CYTH3: variants seen among roughly 807,000 people sequenced by gnomAD.
CYTH3 encodes the protein cytohesin 3.
In CYTH3, 23 loss-of-function variants were observed where a neutral mutation model predicts 55.1. The observed-to-expected ratio is 0.42, with a 90% confidence interval of 0.30 to 0.59. CYTH3 has a LOEUF of 0.59. CYTH3 is among the 20% of genes least tolerant of loss of function. The probability of loss-of-function intolerance (pLI) is 0.20; values close to 1 mark genes in which losing one functional copy is unlikely to be tolerated. For missense variants in CYTH3, 413 were observed against 524.8 expected, an observed-to-expected ratio of 0.79 and a Z score of 2.08; for synonymous variants, 249 against 194.9, an observed-to-expected ratio of 1.28 and a Z score of -2.31.
chr7:6,221,825 G>C (rs987113567), intron 1 of CYTH3, among the ~76,000 whole-genome samples: 14 of 152,162 alleles, frequency 9.2e-5, no homozygotes, highest in Admixed American at 4.6e-4. Flanking sequence ...AGTGAGGCGT[G>C]TCTGTGGTCC....
At chr7:6,201,618 A>C (rs1361626806) in intron 1 of CYTH3, among the ~76,000 whole-genome samples, 6 of 152,242 alleles carry the variant, frequency 3.9e-5, no homozygotes, top group East Asian at 3.9e-4. Flanking sequence ...ACTGGTTTCC[A>C]TAAGTAAATC....
In CYTH3 at chr7:6,163,305, CTG is replaced by C. The variant is rs1192546436; in HGVS notation, c.*1637_*1638del. 6.6e-6 allele frequency: 1 copy of C among 152,302 alleles called. No homozygotes were observed. Among genetic ancestry groups the C allele is most frequent in the African/African-American group, 2.4e-5 (1 of 41,476 alleles). 9.4% of individuals were successfully genotyped at this position (152,302 alleles called of 1,614,324 possible). The stretch of plus-strand genomic sequence containing the variant: ...GTGCACAAAGTCTGAGGTTTTGTCT[CTG>C]GACTGGGCATTTTGCACAGGAGTAC... On this transcript the variant is annotated 3_prime_UTR_variant, in exon 13 of 13. Transcript: ENST00000350796.
chr7:6,207,860 G>C (rs1784230646), intron 1 of CYTH3, among the ~76,000 whole-genome samples: 1 of 151,666 alleles, frequency 6.6e-6, no homozygotes, highest in African/African-American at 2.4e-5. Flanking sequence ...TGAGGTGGGA[G>C]GATGGCTTAA....
intron 1 of CYTH3, among the ~76,000 whole-genome samples, chr7:6,255,984 C>T (rs574659135): frequency 6.6e-6 from 1 of 151,914 alleles, no homozygotes; most frequent in Non-Finnish European, 1.5e-5. Context: ...AGGATGGTCT[C>T]GATCTCCTGA....
Position 6,258,648 on chromosome 7 carries a change from T to C in CYTH3, c.34+13826A>G, listed in dbSNP as rs550443197. ...ACAGAGTCAAATATGGCTGTAACAA[T>C]GACGACAAGCTACAAGGCAACAGGC... On this transcript the variant is annotated intron_variant, in intron 1 of 12. Coordinates refer to ENST00000350796, the MANE Select transcript of CYTH3 (RefSeq NM_004227.4). Among the ~76,000 whole-genome samples the C allele has an allele frequency of 2.6e-5, 4 of 152,346 alleles. No homozygotes were observed. In the East Asian group the frequency reaches 7.7e-4, roughly 29 times the overall value.
At chr7:6,249,468 A>G (rs1053229883) in intron 1 of CYTH3, among the ~76,000 whole-genome samples, 2 of 152,206 alleles carry the variant, frequency 1.3e-5, no homozygotes, top group Non-Finnish European at 2.9e-5. Flanking sequence ...CTCCCAGCAC[A>G]GTGGCTTCGG....
chr7:6,203,318 T>C (rs1784102552), intron 1 of CYTH3, among the ~76,000 whole-genome samples: 1 of 152,226 alleles, frequency 6.6e-6, no homozygotes, highest in African/African-American at 2.4e-5. Context: ...TGAAGTGAAT[T>C]GTGACATTTA....
At chr7:6,251,870 C>T (rs868138139) in intron 1 of CYTH3, among the ~76,000 whole-genome samples, 3 of 152,212 alleles carry the variant, frequency 2.0e-5, no homozygotes, top group Non-Finnish European at 2.9e-5. Context: ...CCAAACAGGA[C>T]GTCTGGCTAC....
At chr7:6,181,943 A>G (rs544085455) in intron 4 of CYTH3, among the ~76,000 whole-genome samples, 1 of 152,336 alleles carries the variant, frequency 6.6e-6, no homozygotes, top group South Asian at 2.1e-4. Flanking sequence ...TATATCATGG[A>G]TAAGAAACAT....
rs1027560929 is a variant in CYTH3, at chr7:6,187,199, C to T, written c.183-83G>A. On this transcript the variant is annotated intron_variant, in intron 3 of 12. Transcript: ENST00000350796. ...CACGGCCCTCCAGTGTACTTTCCCC[C>T]GCAACAACGGGCTCAAGGAAGCGAA... 33 of 1,437,442 alleles carry T rather than the reference C, an allele frequency of 2.3e-5. 1 individual carries two copies. The highest frequency in any genetic ancestry group is 9.2e-5 in the South Asian group (8 of 86,902). 89.0% of individuals were successfully genotyped at this position (1,437,442 alleles called of 1,614,324 possible).
At chr7:6,177,666 G>T (rs963345534) in intron 5 of CYTH3, among the ~76,000 whole-genome samples, 157 bp downstream of exon 5, 18 of 152,232 alleles carry the variant, frequency 1.2e-4, no homozygotes, top group Non-Finnish European at 2.4e-4. Context: ...CGGTTGCACT[G>T]GGCTCGCTTG....
chr7:6,248,135 C>A (rs1779868078), intron 1 of CYTH3, among the ~76,000 whole-genome samples: 1 of 151,388 alleles, frequency 6.6e-6, no homozygotes, highest in South Asian at 2.1e-4. Context: ...TATACTATTC[C>A]TCTGCCTCAA....
chr7:6,190,349 T>A, intron 2 of CYTH3, 100 bp downstream of exon 2: 1 of 897,380 alleles, frequency 1.1e-6, no homozygotes, highest in Non-Finnish European at 1.5e-6. Flanking sequence ...TTTTTGGGTT[T>A]TTTTTTTTTT....
At chr7:6,266,828 C>G (rs1217179124) in intron 1 of CYTH3, among the ~76,000 whole-genome samples, 4 of 152,302 alleles carry the variant, frequency 2.6e-5, no homozygotes, top group Non-Finnish European at 5.9e-5. Context: ...CCTCTTTTGT[C>G]TGTCTCTCCA....
intron 1 of CYTH3, among the ~76,000 whole-genome samples, chr7:6,240,292 CAAAAAAAAAAA>C (rs60884841): frequency 2.8e-4 from 17 of 60,550 alleles, no homozygotes; most frequent in African/African-American, 6.3e-4. Flanking sequence ...GACTCCATCT[CAAAAAAAAAAA>C]AAAAAAAAAA....
chr7:6,164,911 G>A lies in CYTH3; in HGVS notation c.*33C>T, dbSNP rs761099797. ...CCCGCGGTGTCTTTCTGCTGGGGTT[G>A]GGTCTTTTACCTGGGTCTTTTAGCC... On this transcript the variant is annotated 3_prime_UTR_variant, in exon 13 of 13. Transcript: ENST00000350796. The A allele has an allele frequency of 1.2e-5, 20 of 1,613,202 alleles. No individual in the cohort carries two copies. The highest frequency in any genetic ancestry group is 1.4e-5 in the Non-Finnish European group (17 of 1,179,238).
chr7:6,206,460 G>C (rs1236496651), intron 1 of CYTH3, among the ~76,000 whole-genome samples: 1 of 152,232 alleles, frequency 6.6e-6, no homozygotes, highest in African/African-American at 2.4e-5. Context: ...TGGGGAGGCA[G>C]AAAGTACTGC....
intron 1 of CYTH3, among the ~76,000 whole-genome samples, chr7:6,271,022 G>A (rs542410838): frequency 6.6e-6 from 1 of 152,242 alleles, no homozygotes; most frequent in South Asian, 2.1e-4. Flanking sequence ...TCTAACAAGG[G>A]AAAACAGCTA....
intron 1 of CYTH3, among the ~76,000 whole-genome samples, chr7:6,237,536 C>T (rs145153994): frequency 0.018 from 2,742 of 152,016 alleles, 80 homozygotes; most frequent in African/African-American, 0.062. Flanking sequence ...GGTGAAACCC[C>T]GTCTCTACGA....
Sources: gnomAD v4.1 joint callset for allele counts (sites outside exome capture counted in the v4.1 genomes callset) on GRCh38, gnomAD v4.1.1 for gene constraint, MANE v1.5 for transcripts, NCBI Gene and HGNC (gene_info 2026-07-23, HGNC 2026-07-21) for gene names.